Variants in BAHCC1 observed in about 807,000 individuals in gnomAD.
BAHCC1 encodes the protein BAH domain and coiled-coil containing 1, also known as BAH and coiled-coil domain-containing protein 1.
A neutral mutation model predicts 88.2 loss-of-function variants in BAHCC1; 43 were observed. That is an observed-to-expected ratio of 0.49 (90% CI 0.38 to 0.63). The LOEUF (loss-of-function observed/expected upper bound fraction) is 0.63. Among genes scored for constraint, BAHCC1 ranks in the 20% least tolerant of loss-of-function variants. BAHCC1 has a pLI of 0.00. For missense variants in BAHCC1, 3,023 were observed against 1,654.8 expected (o/e 1.83, Z -14.34); for synonymous variants, 1,510 against 745.5 (o/e 2.03, Z -16.71).
rs1473034562 is a variant in BAHCC1, at chr17:81,465,146, C to T, written c.*1329C>T. 1.3e-5 allele frequency: 2 copies of T among 152,272 alleles called. No individual in the cohort carries two copies. The highest frequency in any genetic ancestry group is 2.4e-5 in the African/African-American group (1 of 41,448). The allele number at this position is 152,272 out of a possible 1,614,324, so 9.4% of individuals were successfully genotyped here. ...GTGGCCAGGGGAGAAGAAAATAAAACGCAGGCCCTGCCCTTGGGGAAGGCC... is the reference window on the plus strand; with the variant it reads ...GTGGCCAGGGGAGAAGAAAATAAAATGCAGGCCCTGCCCTTGGGGAAGGCC... On this transcript the variant is annotated 3_prime_UTR_variant, in exon 28 of 28. Coordinates refer to ENST00000675386, the MANE Select transcript of BAHCC1 (RefSeq NM_001377448.1).
At chr17:81,444,244 G>T in intron 6 of BAHCC1, 137 bp from the exon 7 acceptor site, 1 of 621,774 alleles carries the variant, frequency 1.6e-6, no homozygotes, top group Non-Finnish European at 2.9e-6. Flanking sequence ...TGATGGCAGG[G>T]GGTGGGACAG....
At position 81,447,616 on chromosome 17, in the gene BAHCC1, C is replaced by G. The variant is rs1254888101; in HGVS notation, c.3744C>G (p.Pro1248=). 2.7e-6 allele frequency: 2 copies of G among 744,742 alleles called. No homozygotes were observed. Among genetic ancestry groups the G allele is most frequent in the African/African-American group, 3.4e-5 (2 of 58,364 alleles). The allele number at this position is 744,742 out of a possible 1,614,324, so 46.1% of individuals were successfully genotyped here. A position where few individuals can be genotyped will look rare whatever the true frequency, so the allele number is the denominator to read the frequency against. The stretch of plus-strand genomic sequence containing the variant: ...CAGAGGAGGACTGTGGCGGAGCTCC[C>G]GACAACAGCCACCCACCCAGGGCGC... The part of the protein sequence containing the change: ...EDSEEDCGGA[P]DNSHPPRALP... The change falls in exon 11 of 28, where the codon CCC becomes CCG. Residue 1248 remains proline (P), a synonymous_variant. Transcript: ENST00000675386.
intron 2 of BAHCC1, among the ~76,000 whole-genome samples, chr17:81,419,768 C>T (rs1238014021): frequency 1.3e-5 from 2 of 148,974 alleles, no homozygotes; most frequent in African/African-American, 4.9e-5. Context: ...TTCTCTGGAG[C>T]TGCCGCCATC....
At chr17:81,448,536 G>A (rs1355420315) in intron 11 of BAHCC1, among the ~76,000 whole-genome samples, 1 of 152,230 alleles carries the variant, frequency 6.6e-6, no homozygotes, top group Admixed American at 6.5e-5. Context: ...GTGGGCCCCA[G>A]AGAAAGCCCC....
At chr17:81,423,889 G>C (rs1398816994) in intron 2 of BAHCC1, among the ~76,000 whole-genome samples, 1 of 152,224 alleles carries the variant, frequency 6.6e-6, no homozygotes, top group South Asian at 2.1e-4. Context: ...GGGGCCTGGG[G>C]CGCTGGGGGC....
chr17:81,458,777 T>C lies in BAHCC1; in HGVS notation c.5449-36T>C, dbSNP rs782812062. Reference sequence around the variant, plus strand: ...ACTGTGCACCCACCTGCACCCCGCCTGCACCCCACCCAAGCCTGACTCCTC... The same window carrying C: ...ACTGTGCACCCACCTGCACCCCGCCCGCACCCCACCCAAGCCTGACTCCTC... On this transcript the variant is annotated intron_variant, in intron 19 of 27. Coordinates refer to ENST00000675386, the MANE Select transcript of BAHCC1 (RefSeq NM_001377448.1). 3 of 757,428 alleles carry C rather than the reference T, an allele frequency of 4.0e-6. No individual in the cohort carries two copies. In the East Asian group the frequency reaches 7.4e-5, roughly 19 times the overall value. 46.9% of individuals were successfully genotyped at this position (757,428 alleles called of 1,614,324 possible).
At chr17:81,412,223 T>C (rs1489900238) in intron 2 of BAHCC1, among the ~76,000 whole-genome samples, 2 of 152,266 alleles carry the variant, frequency 1.3e-5, no homozygotes, top group Non-Finnish European at 2.9e-5. Flanking sequence ...CAGGTCGCCT[T>C]GTGGGCAGTT....
intron 2 of BAHCC1, chr17:81,402,447 A>T (rs1199821627): frequency 1.3e-5 from 2 of 152,260 alleles, no homozygotes; most frequent in South Asian, 2.1e-4. Flanking sequence ...AGAAAAAAGC[A>T]TAATTACGTT....
chr17:81,429,907 T>C (rs2143431371), intron 3 of BAHCC1, among the ~76,000 whole-genome samples: 1 of 152,324 alleles, frequency 6.6e-6, no homozygotes, highest in Non-Finnish European at 1.5e-5. Flanking sequence ...GGGCCAGGGC[T>C]TCCTGCTTCC....
intron 3 of BAHCC1, among the ~76,000 whole-genome samples, chr17:81,430,668 C>T (rs36138561): frequency 0.12 from 17,687 of 152,204 alleles, 1,445 homozygotes; most frequent in Non-Finnish European, 0.16. Flanking sequence ...CCCACCCACC[C>T]CGAGTGTCCT....
intron 11 of BAHCC1, among the ~76,000 whole-genome samples, chr17:81,450,769 C>A (rs886962496): frequency 1.3e-5 from 2 of 152,180 alleles, no homozygotes; most frequent in East Asian, 1.9e-4. Flanking sequence ...GCCCTCCTCA[C>A]AAGGAATCGA....
Position 81,458,924 on chromosome 17 carries a change from G to A in BAHCC1, c.5560G>A (p.Glu1854Lys). 2.6e-6 allele frequency: 2 copies of A among 767,968 alleles called. No individual in the cohort carries two copies. Among genetic ancestry groups the A allele is most frequent in the Non-Finnish European group, 4.9e-6 (2 of 410,808 alleles). 47.6% of individuals were successfully genotyped at this position (767,968 alleles called of 1,614,324 possible). ...AGAGGAGGAGGACGAGGAGGAAGAG[G>A]AGGAGGACAGCGGCCCTCTGAGCGC... Reference protein sequence around the residue: ...SEEEEDEEEEEEDSGPLSAEQ... With the variant: ...SEEEEDEEEEKEDSGPLSAEQ... The change falls in exon 20 of 28, where the codon GAG (glutamate) becomes AAG (lysine). Residue 1854 changes from glutamate (E) to lysine (K), a missense_variant. Physicochemically the swap from Glu to Lys is moderately conservative, Grantham distance 56. Coordinates refer to ENST00000675386, the MANE Select transcript of BAHCC1 (RefSeq NM_001377448.1).
rs1167724754 is a variant in BAHCC1, at chr17:81,464,279, G to GGTGTGTGTGAGCGTGT, written c.*463_*478dup. On this transcript the variant is annotated 3_prime_UTR_variant, in exon 28 of 28. Coordinates refer to ENST00000675386, the MANE Select transcript of BAHCC1 (RefSeq NM_001377448.1). ...GGGTTTTTCCCCATCCGCGTGACAA[G>GGTGTGTGTGAGCGTGT]GTGTGTGTGAGCGTGTATGTGTGTG... The GGTGTGTGTGAGCGTGT allele has an allele frequency of 1.2e-5, 3 of 252,672 alleles. No homozygotes were observed. Among genetic ancestry groups the GGTGTGTGTGAGCGTGT allele is most frequent in the Admixed American group, 5.0e-5 (1 of 20,094 alleles). The allele number at this position is 252,672 out of a possible 1,614,324, so 15.7% of individuals were successfully genotyped here. A position where few individuals can be genotyped will look rare whatever the true frequency, so the allele number is the denominator to read the frequency against.
At chr17:81,419,177 C>A (rs148715159) in intron 2 of BAHCC1, among the ~76,000 whole-genome samples, 1 of 152,326 alleles carries the variant, frequency 6.6e-6, no homozygotes, top group Non-Finnish European at 1.5e-5. Flanking sequence ...GCCTCTAGCC[C>A]CTGCCACAGC....
chr17:81,451,957 GC>G lies in BAHCC1; in HGVS notation c.4180-6del, dbSNP rs34593866. The G allele has an allele frequency of 9.0e-3, 5,535 of 615,046 alleles. 33 individuals are homozygous for G. Among genetic ancestry groups the G allele is most frequent in the Non-Finnish European group, 0.011 (3,766 of 342,522 alleles). The allele number at this position is 615,046 out of a possible 1,614,324, so 38.1% of individuals were successfully genotyped here. ...CCTGGCCCGGCTCACAGGCCCCTGTGCCCCCCCCACCAGGTGTGCCCCCTGA... is the reference window on the plus strand; with the variant it reads ...CCTGGCCCGGCTCACAGGCCCCTGTGCCCCCCCACCAGGTGTGCCCCCTGA... On this transcript the variant is annotated splice_polypyrimidine_tract_variant and intron_variant, in intron 12 of 27. Coordinates refer to ENST00000675386, the MANE Select transcript of BAHCC1 (RefSeq NM_001377448.1).
At position 81,443,451 on chromosome 17, in the gene BAHCC1, C is replaced by T. The variant is rs2064462718; in HGVS notation, c.2102C>T (p.Pro701Leu). ...TTHGDGEVRQ[P>L]PVGIAVALAR... ...CACGGCGACGGGGAGGTGCGGCAGCCCCCTGTGGGCATTGCAGTGGCCTTG... is the reference window on the plus strand; with the variant it reads ...CACGGCGACGGGGAGGTGCGGCAGCTCCCTGTGGGCATTGCAGTGGCCTTG... Residue 701 changes from proline to leucine, a missense_variant, in exon 5 of 28, where the codon CCC becomes CTC. Physicochemically the swap from Pro to Leu is moderately conservative, Grantham distance 98 (BLOSUM62 -3). Coordinates refer to ENST00000675386, the MANE Select transcript of BAHCC1 (RefSeq NM_001377448.1). 1.4e-6 allele frequency: 1 copy of T among 739,510 alleles called. No individual in the cohort carries two copies. The highest frequency in any genetic ancestry group is 2.5e-6 in the Non-Finnish European group (1 of 398,256). The allele number at this position is 739,510 out of a possible 1,614,324, so 45.8% of individuals were successfully genotyped here. A position where few individuals can be genotyped will look rare whatever the true frequency, so the allele number is the denominator to read the frequency against.
At position 81,458,835 on chromosome 17, in the gene BAHCC1, G is replaced by A. The variant is rs369502135; in HGVS notation, c.5471G>A (p.Arg1824His). The A allele has an allele frequency of 5.0e-5, 38 of 766,210 alleles. No homozygotes were observed. Among genetic ancestry groups the A allele is most frequent in the Non-Finnish European group, 7.8e-5 (32 of 408,330 alleles). The allele number at this position is 766,210 out of a possible 1,614,324, so 47.5% of individuals were successfully genotyped here. A position where few individuals can be genotyped will look rare whatever the true frequency, so the allele number is the denominator to read the frequency against. ...GKQGKGRAVSRLLESFAVEED... is the reference protein window; with the variant it reads ...GKQGKGRAVSHLLESFAVEED... ...CAGGGCAAGGGCCGGGCCGTGAGCC[G>A]CCTGCTGGAAAGCTTCGCCGTGGAG... The change falls in exon 20 of 28, where the codon CGC becomes CAC. Residue 1824 changes from arginine (R) to histidine (H), a missense_variant. Physicochemically the swap from Arg to His is conservative, Grantham distance 29 (BLOSUM62 0). Transcript: ENST00000675386.
rs1019158027 is a variant in BAHCC1 at position 81,451,696 on chromosome 17, C to T, written c.4005C>T (p.Asn1335=). Residue 1335 remains asparagine (N), a synonymous_variant, in exon 12 of 28, where the codon AAC becomes AAT. Transcript: ENST00000675386. The part of the protein sequence containing the change: ...PEEEEDVLAF[N]LQHLATLATA... ...AGGAAGAGGACGTGCTAGCCTTCAA[C>T]CTGCAGCACCTGGCCACGCTGGCCA... The T allele has an allele frequency of 1.3e-6, 1 of 777,040 alleles. No homozygotes were observed. Among genetic ancestry groups the T allele is most frequent in the Non-Finnish European group, 2.4e-6 (1 of 417,748 alleles). 48.1% of individuals were successfully genotyped at this position (777,040 alleles called of 1,614,324 possible).
rs782603229 is a variant in BAHCC1 at position 81,462,950 on chromosome 17, C to T, written c.7594C>T (p.Leu2532=). The T allele has an allele frequency of 1.3e-6, 1 of 781,536 alleles. No individual in the cohort carries two copies. The highest frequency in any genetic ancestry group is 1.3e-5 in the South Asian group (1 of 74,648). 48.4% of individuals were successfully genotyped at this position (781,536 alleles called of 1,614,324 possible). A position where few individuals can be genotyped will look rare whatever the true frequency, so the allele number is the denominator to read the frequency against. The change falls in exon 27 of 28, where the codon CTG becomes TTG. Residue 2532 remains leucine, a synonymous_variant. Transcript: ENST00000675386. ...KWFYHPEETK[L]GKRQCDGKNA... ...GTTCTACCACCCTGAGGAGACCAAG[C>T]TGGGCAAGAGGCAGTGCGACGGCAA... is the stretch of plus-strand genomic sequence containing the variant.
Sources: allele counts gnomAD v4.1 joint callset (sites outside exome capture counted in the v4.1 genomes callset), GRCh38; gene constraint gnomAD v4.1.1; transcripts MANE v1.5; gene names NCBI Gene and HGNC (gene_info 2026-07-23, HGNC 2026-07-21).